Variants in ATP6V1B1 observed in about 807,000 individuals in gnomAD.
ATP6V1B1 encodes ATPase H+ transporting V1 subunit B1, also known as V-type proton ATPase subunit B, kidney isoform.
In ATP6V1B1, 41 loss-of-function variants were observed where a neutral mutation model predicts 62.1. The ratio of observed to expected loss-of-function variants is 0.66; its 90% CI spans 0.51 to 0.86. The LOEUF is 0.86. ATP6V1B1 is among the 40% of genes least tolerant of loss of function. ATP6V1B1 has a pLI of 0.00. For synonymous variants in ATP6V1B1, 253 were observed against 273.4 expected (o/e 0.93, Z 0.74); for missense variants, 651 against 697.5 (o/e 0.93, Z 0.75).
At chr2:70,943,535 C>T in intron 1 of ATP6V1B1, 123 bp from the exon 2 acceptor site, 1 of 1,051,860 alleles carries the variant, frequency 9.5e-7, no homozygotes, top group Non-Finnish European at 1.4e-6. Context: ...GCTAATGACC[C>T]TGACGGCCCA....
intron 2 of ATP6V1B1, chr2:70,948,460 T>C (rs1572913015): frequency 6.5e-6 from 1 of 154,808 alleles, no homozygotes; most frequent in South Asian, 2.0e-4. Flanking sequence ...CAGCAACTTT[T>C]CCCCTGAGGT....
Position 70,936,053 on chromosome 2 carries a change from C to T in ATP6V1B1, c.99C>T (p.Tyr33=), listed in dbSNP as rs2104795418. ...REHMQAVTRN[Y]ITHPRVTYRT... The stretch of plus-strand genomic sequence containing the variant: ...ACATGCAGGCGGTCACCCGAAACTA[C>T]ATCACCCACCCCCGTGTCAGTGAGT... Residue 33 remains tyrosine (Y), a synonymous_variant, in exon 1 of 14, where the codon TAC becomes TAT. Transcript: ENST00000234396. 6.2e-7 allele frequency: 1 copy of T among 1,614,046 alleles called. No homozygotes were observed. Among genetic ancestry groups the T allele is most frequent in the Non-Finnish European group, 8.5e-7 (1 of 1,179,966 alleles).
intron 1 of ATP6V1B1, among the ~76,000 whole-genome samples, chr2:70,937,657 C>T (rs1679889917): frequency 1.3e-5 from 2 of 151,882 alleles, no homozygotes; most frequent in African/African-American, 4.8e-5. Context: ...GCAGGCCGTC[C>T]CTCCTCCCTG....
intron 1 of ATP6V1B1, chr2:70,942,082 G>A: frequency 9.0e-7 from 1 of 1,115,774 alleles, no homozygotes; most frequent in South Asian, 4.6e-5. Context: ...GAGGGAGAGA[G>A]AGACAGAGAG....
In ATP6V1B1 at chr2:70,959,360, T is replaced by C. The variant is rs549905293; in HGVS notation, c.445+265T>C. On this transcript the variant is annotated intron_variant, in intron 5 of 13. Coordinates refer to ENST00000234396, the MANE Select transcript of ATP6V1B1 (RefSeq NM_001692.4). The surrounding 1 kb of genome is among the most constrained non-coding windows in gnomAD (Gnocchi z 4.2). ...GCCTTTGGCTTCCTGTCCACAATCC[T>C]GAGAATGGGCTGCGGTGCTCTGCCG... is the stretch of plus-strand genomic sequence containing the variant. 5.9e-5 allele frequency among the ~76,000 whole-genome samples: 9 copies of C among 152,344 alleles called. No homozygotes were observed. The East Asian group carries it at 1.5e-3, about 26-fold the overall frequency.
chr2:70,964,515 G>A lies in ATP6V1B1; in HGVS notation c.1221G>A (p.Lys407=), dbSNP rs782782168. Residue 407 remains lysine (K), a synonymous_variant, in exon 12 of 14, where the codon AAG becomes AAA. Transcript: ENST00000234396. ...CCATTGGGGAAGGCATGACAAGAAA[G>A]GACCATGGAGATGTCTCCAACCAGC... The part of the protein sequence containing the change: ...KSAIGEGMTR[K]DHGDVSNQLY... 6 of 1,614,064 alleles carry A rather than the reference G, an allele frequency of 3.7e-6. No individual in the cohort carries two copies. Among genetic ancestry groups the A allele is most frequent in the Non-Finnish European group, 5.1e-6 (6 of 1,180,040 alleles).
At chr2:70,944,201 G>A (rs972583342) in intron 2 of ATP6V1B1, 2 of 1,289,648 alleles carry the variant, frequency 1.6e-6, no homozygotes, top group Non-Finnish European at 2.0e-6. Flanking sequence ...AAAGGCCTTT[G>A]GAATATCTCA....
intron 8 of ATP6V1B1, 55 bp from the exon 9 acceptor site, chr2:70,962,722 T>C (rs2104831017): frequency 6.2e-7 from 1 of 1,607,794 alleles, no homozygotes; most frequent in East Asian, 2.2e-5. Context: ...CCCCAGGCTA[T>C]GTGGTGCATT....
chr2:70,937,694 G>A (rs545613284), intron 1 of ATP6V1B1, among the ~76,000 whole-genome samples: 1 of 152,076 alleles, frequency 6.6e-6, no homozygotes, highest in South Asian at 2.1e-4. Context: ...GCTGGGTGCT[G>A]AGTGTGGTGT....
rs1680645982 is a variant in ATP6V1B1 at position 70,963,744 on chromosome 2, G to A, written c.1143+90G>A. Reference sequence around the variant, plus strand: ...CACTGCCCCCAGGCATGAATTAGGAGGGGCCAGCCAAAGCGAACCCCAAAC... The same window carrying A: ...CACTGCCCCCAGGCATGAATTAGGAAGGGCCAGCCAAAGCGAACCCCAAAC... On this transcript the variant is annotated intron_variant, in intron 11 of 13. Transcript: ENST00000234396. The surrounding 1 kb of genome is among the most constrained non-coding windows in gnomAD (Gnocchi z 4.3). The A allele has an allele frequency of 9.6e-6, 14 of 1,461,380 alleles. No homozygotes were observed. Among genetic ancestry groups the A allele is most frequent in the Non-Finnish European group, 1.2e-5 (13 of 1,050,734 alleles). The allele number at this position is 1,461,380 out of a possible 1,614,324, so 90.5% of individuals were successfully genotyped here.
In ATP6V1B1 at chr2:70,960,046, A is replaced by G. The variant is rs1680548775; in HGVS notation, c.553A>G (p.Ile185Val). 6.2e-7 allele frequency: 1 copy of G among 1,614,144 alleles called. No individual in the cohort carries two copies. Among genetic ancestry groups the G allele is most frequent in the Non-Finnish European group, 8.5e-7 (1 of 1,180,010 alleles). ...CATTGCCCGCGGCCAGAAGATCCCC[A>G]TCTTCTCAGCAGCCGGGCTCCCCCA... is the stretch of plus-strand genomic sequence containing the variant. ...NSIARGQKIP[I>V]FSAAGLPHNE... The change falls in exon 6 of 14, where the codon ATC (isoleucine) becomes GTC (valine). Residue 185 changes from isoleucine (I) to valine (V), a missense_variant. Coordinates refer to ENST00000234396, the MANE Select transcript of ATP6V1B1 (RefSeq NM_001692.4).
chr2:70,938,876 T>C lies in ATP6V1B1; in HGVS notation c.118+2804T>C, dbSNP rs1407346730. 4 of 857,998 alleles carry C rather than the reference T, an allele frequency of 4.7e-6. No homozygotes were observed. The East Asian group carries it at 3.7e-4, about 79-fold the overall frequency. The allele number at this position is 857,998 out of a possible 1,614,324, so 53.1% of individuals were successfully genotyped here. ...GAGGGATGAAGCCAGGTCAGATCCCTGAAGATCCCCCAGGAGCTTGAGTGC... is the reference window on the plus strand; with the variant it reads ...GAGGGATGAAGCCAGGTCAGATCCCCGAAGATCCCCCAGGAGCTTGAGTGC... On this transcript the variant is annotated intron_variant, in intron 1 of 13. Transcript: ENST00000234396.
At chr2:70,938,522 T>C in intron 1 of ATP6V1B1, 1 of 979,890 alleles carries the variant, frequency 1.0e-6, no homozygotes, top group African/African-American at 1.7e-5. Flanking sequence ...GACTTAGGCA[T>C]TCCCCTCCCC....
chr2:70,958,496 C>T, intron 4 of ATP6V1B1, 70 bp downstream of exon 4: 1 of 1,392,884 alleles, frequency 7.2e-7, no homozygotes, highest in South Asian at 1.2e-5. Flanking sequence ...CTGACCAAAC[C>T]CTCAGCACAC....
intron 2 of ATP6V1B1, among the ~76,000 whole-genome samples, chr2:70,950,932 ATTTTTTT>A (rs55871344): frequency 7.7e-5 from 5 of 64,624 alleles, no homozygotes; most frequent in East Asian, 5.0e-4. Context: ...TTTTTTCCTG[ATTTTTTT>A]TTTTTTTTTT....
intron 1 of ATP6V1B1, chr2:70,943,397 G>GCA (rs200109195): frequency 1.7e-6 from 1 of 587,574 alleles, no homozygotes; most frequent in Non-Finnish European, 3.1e-6. Flanking sequence ...CTGTGTGGTG[G>GCA]GGGCGGACTC....
At chr2:70,951,708 A>G (rs1176048859) in intron 2 of ATP6V1B1, among the ~76,000 whole-genome samples, 2 of 151,912 alleles carry the variant, frequency 1.3e-5, no homozygotes, top group African/African-American at 4.8e-5. Flanking sequence ...GACCAGCCTG[A>G]CCAACATGGA....
intron 2 of ATP6V1B1, among the ~76,000 whole-genome samples, chr2:70,944,814 A>G (rs113570168): frequency 2.1e-3 from 324 of 151,856 alleles, no homozygotes; most frequent in Admixed American, 4.8e-3. Context: ...GACTACAGGC[A>G]CCCGCTACCA....
Position 70,936,013 on chromosome 2 carries a change from G to A in ATP6V1B1, c.59G>A (p.Gly20Asp). 3 of 1,614,042 alleles carry A rather than the reference G, an allele frequency of 1.9e-6. No homozygotes were observed. The highest frequency in any genetic ancestry group is 2.2e-5 in the East Asian group (1 of 44,876). ...CTCCCCGGCAGTAGCTGCAACCTAG[G>A]TGCAGCCCGAGAACACATGCAGGCG... is the stretch of plus-strand genomic sequence containing the variant. ...GGLPGSSCNL[G>D]AAREHMQAVT... is the part of the protein sequence containing the mutation. Residue 20 changes from glycine to aspartate, a missense_variant, in exon 1 of 14, where the codon GGT becomes GAT. Coordinates refer to ENST00000234396, the MANE Select transcript of ATP6V1B1 (RefSeq NM_001692.4).
Sources: gnomAD v4.1 joint callset for allele counts (sites outside exome capture counted in the v4.1 genomes callset) on GRCh38, gnomAD v4.1.1 for gene constraint, Gnocchi (gnomAD v3.1) non-coding constraint, MANE v1.5 for transcripts, NCBI Gene and HGNC (gene_info 2026-07-23, HGNC 2026-07-21) for gene names.